The following SLC25A21 variants were observed in gnomAD, a reference collection of about 807,000 sequenced individuals.
SLC25A21 encodes the protein solute carrier family 25 member 21, also known as mitochondrial 2-oxodicarboxylate carrier.
SLC25A21 carries 47 observed loss-of-function variants against 43.8 expected under a neutral mutation model. The ratio of observed to expected loss-of-function variants is 1.07; its 90% confidence interval spans 0.85 to 1.37. The LOEUF is 1.37. SLC25A21 is among the 40% of genes most tolerant of loss of function. The pLI, the probability that SLC25A21 is intolerant of heterozygous loss-of-function variation, is 0.00. For missense variants in SLC25A21, 352 were observed against 350.2 expected, an observed-to-expected ratio of 1.00 and a Z score of -0.04; for synonymous variants, 131 against 121.3, an observed-to-expected ratio of 1.08 and a Z score of -0.52.
intron 3 of SLC25A21, among the ~76,000 whole-genome samples, chr14:36,757,218 ACTGCT>A (rs1188391569): frequency 6.6e-6 from 1 of 152,150 alleles, no homozygotes; most frequent in Admixed American, 6.5e-5. Flanking sequence ...ATATTGCACC[ACTGCT>A]CTCCAGCCTG....
chr14:36,704,697 A>G (rs73262625), intron 7 of SLC25A21, among the ~76,000 whole-genome samples: 23,819 of 150,812 alleles, frequency 0.16, 2,636 homozygotes, highest in East Asian at 0.29. Flanking sequence ...AAAAACAAAC[A>G]AAAAAAACAA....
chr14:36,962,534 A>C (rs1347448562), intron 1 of SLC25A21, among the ~76,000 whole-genome samples: 3 of 151,630 alleles, frequency 2.0e-5, no homozygotes, highest in Non-Finnish European at 2.9e-5. Context: ...TCCATTCTCT[A>C]TCTCTCTTTT....
At chr14:37,104,327 T>C (rs1962873215) in intron 1 of SLC25A21, among the ~76,000 whole-genome samples, 1 of 152,186 alleles carries the variant, frequency 6.6e-6, no homozygotes, top group Non-Finnish European at 1.5e-5. Context: ...TAGAACCTGC[T>C]GGCACCTTGA....
intron 1 of SLC25A21, among the ~76,000 whole-genome samples, chr14:37,152,296 T>C (rs1434774291): frequency 6.6e-6 from 1 of 152,064 alleles, no homozygotes. Context: ...GATAATTTGT[T>C]TGAAGGTCTG....
intron 3 of SLC25A21, among the ~76,000 whole-genome samples, chr14:36,744,933 A>G (rs556407391): frequency 7.2e-4 from 109 of 152,126 alleles, no homozygotes; most frequent in East Asian, 9.7e-4. Context: ...ATAGGTATAC[A>G]TGTGCCATGT....
chr14:36,871,915 A>G (rs1333298110), intron 2 of SLC25A21, among the ~76,000 whole-genome samples: 1 of 152,262 alleles, frequency 6.6e-6, no homozygotes, highest in Admixed American at 6.5e-5. Context: ...AGGAAAAATT[A>G]CCACATTCAG....
chr14:37,109,342 T>C (rs913757653), intron 1 of SLC25A21, among the ~76,000 whole-genome samples: 3 of 132,778 alleles, frequency 2.3e-5, no homozygotes, highest in African/African-American at 5.7e-5. Context: ...TCGGGCCAAA[T>C]AGAGAAAAAG....
At chr14:36,953,756 C>T (rs764095777) in intron 1 of SLC25A21, among the ~76,000 whole-genome samples, 25 of 152,170 alleles carry the variant, frequency 1.6e-4, no homozygotes, top group South Asian at 1.2e-3. Context: ...TCTGTCACTT[C>T]GGAAATTATC....
intron 2 of SLC25A21, among the ~76,000 whole-genome samples, chr14:36,843,395 G>A (rs1487744588): frequency 6.6e-6 from 1 of 152,146 alleles, no homozygotes; most frequent in Non-Finnish European, 1.5e-5. Flanking sequence ...TCCTAATCAG[G>A]TAGGTAGCTA....
At chr14:36,802,259 T>C (rs1290213036) in intron 3 of SLC25A21, among the ~76,000 whole-genome samples, 1 of 152,138 alleles carries the variant, frequency 6.6e-6, no homozygotes, top group African/African-American at 2.4e-5. Context: ...TCAATTAAAT[T>C]CAGCAAACAC....
At chr14:36,865,054 T>C (rs535800658) in intron 2 of SLC25A21, among the ~76,000 whole-genome samples, 4 of 151,930 alleles carry the variant, frequency 2.6e-5, no homozygotes, top group African/African-American at 4.8e-5. Context: ...AAAAGATCTA[T>C]TGGGGAAAAG....
At chr14:37,140,373 A>G (rs1032683504) in intron 1 of SLC25A21, among the ~76,000 whole-genome samples, 2 of 152,204 alleles carry the variant, frequency 1.3e-5, no homozygotes, top group Admixed American at 6.5e-5. Context: ...CTGCAGCTTG[A>G]TAATTCTTGG....
intron 1 of SLC25A21, among the ~76,000 whole-genome samples, chr14:37,152,630 T>G (rs1255071966): frequency 1.3e-5 from 2 of 152,180 alleles, no homozygotes; most frequent in Non-Finnish European, 2.9e-5. Flanking sequence ...GGAAGTCACC[T>G]GCAAACAGAC....
At chr14:36,847,204 A>G (rs1364668540) in intron 2 of SLC25A21, among the ~76,000 whole-genome samples, 1 of 152,240 alleles carries the variant, frequency 6.6e-6, no homozygotes, top group Non-Finnish European at 1.5e-5. Flanking sequence ...ATTTAGGTCT[A>G]TATACCATAA....
At chr14:36,932,372 T>C (rs1197049260) in intron 1 of SLC25A21, among the ~76,000 whole-genome samples, 1 of 152,140 alleles carries the variant, frequency 6.6e-6, no homozygotes, top group Non-Finnish European at 1.5e-5. Flanking sequence ...CCAAGGGATT[T>C]ACGGTGGAGG....
At chr14:36,703,456 G>A (rs1883366999) in intron 7 of SLC25A21, among the ~76,000 whole-genome samples, 1 of 152,132 alleles carries the variant, frequency 6.6e-6, no homozygotes, top group Non-Finnish European at 1.5e-5. Context: ...ACAGGGACAG[G>A]TCTAAATGGT....
At chr14:36,909,824 C>G (rs549138535) in intron 1 of SLC25A21, among the ~76,000 whole-genome samples, 4 of 152,238 alleles carry the variant, frequency 2.6e-5, no homozygotes, top group African/African-American at 9.6e-5. Context: ...CAGTAAACCA[C>G]CTACAAGTAA....
At chr14:36,826,514 C>T (rs1340923357) in intron 2 of SLC25A21, among the ~76,000 whole-genome samples, 1 of 152,192 alleles carries the variant, frequency 6.6e-6, no homozygotes, top group Non-Finnish European at 1.5e-5. Context: ...CCACATTCCT[C>T]CTATGTGCTT....
At chr14:36,918,004 G>C (rs1891876966) in intron 1 of SLC25A21, among the ~76,000 whole-genome samples, 1 of 152,062 alleles carries the variant, frequency 6.6e-6, no homozygotes. Context: ...ATGTGATTTA[G>C]CATCACTCTT....
Sources: gnomAD v4.1 joint callset for allele counts (sites outside exome capture counted in the v4.1 genomes callset) on GRCh38, gnomAD v4.1.1 for gene constraint, MANE v1.5 for transcripts, NCBI Gene and HGNC (gene_info 2026-07-23, HGNC 2026-07-21) for gene names.